Variants in DIAPH3 observed in about 807,000 individuals in gnomAD.
DIAPH3 encodes diaphanous related formin 3, also known as protein diaphanous homolog 3.
DIAPH3 carries 117 observed loss-of-function variants against 144.3 expected under a neutral mutation model. The observed-to-expected ratio is 0.81, with a 90% CI of 0.70 to 0.95. The LOEUF (loss-of-function observed/expected upper bound fraction) is 0.95, where lower values mean the gene tolerates loss of function less well. Ranked by LOEUF, DIAPH3 falls within the 40% of genes least tolerant of loss-of-function variation. DIAPH3 has a pLI of 0.00. For missense variants in DIAPH3, 1,421 were observed against 1,412.7 expected, an observed-to-expected ratio of 1.01 and a Z score of -0.09; for synonymous variants, 519 against 488.9, an observed-to-expected ratio of 1.06 and a Z score of -0.81.
Position 59,911,729 on chromosome 13 carries a change from A to G in DIAPH3, c.2367+6T>C. The G allele has an allele frequency of 6.2e-7, 1 of 1,609,816 alleles. No individual in the cohort carries two copies. The highest frequency in any genetic ancestry group is 1.1e-5 in the South Asian group (1 of 90,960). ...ATAAAAATCCTCTCTGAGACTCGGT[A>G]CTTACCACAACCACAAACTGCTCAG... is the stretch of plus-strand genomic sequence containing the variant. On this transcript the variant is annotated splice_donor_region_variant and intron_variant, in intron 20 of 27. Coordinates refer to ENST00000400324, the MANE Select transcript of DIAPH3 (RefSeq NM_001042517.2).
intron 24 of DIAPH3, among the ~76,000 whole-genome samples, chr13:59,820,734 C>G (rs746690707): frequency 2.7e-4 from 41 of 150,348 alleles, no homozygotes; most frequent in Non-Finnish European, 4.9e-4. Context: ...TTTAATAAAA[C>G]AAAATATAAA....
chr13:59,873,812 C>T (rs900686704), intron 21 of DIAPH3, among the ~76,000 whole-genome samples: 2 of 151,466 alleles, frequency 1.3e-5, no homozygotes, highest in Non-Finnish European at 2.9e-5. Context: ...GCTGGGATTA[C>T]AGGCGCCTGC....
chr13:60,019,659 A>G lies in DIAPH3; in HGVS notation c.627-3514T>C, dbSNP rs918885647. Among the ~76,000 whole-genome samples, 3 of 152,004 alleles carry G rather than the reference A, an allele frequency of 2.0e-5. 1 individual carries two copies. The highest frequency in any genetic ancestry group is 4.8e-5 in the African/African-American group (2 of 41,400). The stretch of plus-strand genomic sequence containing the variant: ...GGGAGAACAGGTTCCCAGAATTACA[A>G]TGTTTAACCCGCCTTTAAATGTTCA... On this transcript the variant is annotated intron_variant, in intron 5 of 27. Transcript: ENST00000400324.
intron 20 of DIAPH3, among the ~76,000 whole-genome samples, chr13:59,906,423 G>A (rs1403297034): frequency 6.6e-6 from 1 of 152,196 alleles, no homozygotes; most frequent in Non-Finnish European, 1.5e-5. Context: ...TGTGTGGAAT[G>A]AAAAGAGGTA....
chr13:60,033,645 T>C (rs1484513625), intron 5 of DIAPH3, among the ~76,000 whole-genome samples: 1 of 152,232 alleles, frequency 6.6e-6, no homozygotes, highest in African/African-American at 2.4e-5. Context: ...ACCAAGCTCA[T>C]TGGGATCTAC....
At chr13:59,956,924 T>A (rs1335397101) in intron 17 of DIAPH3, among the ~76,000 whole-genome samples, 2 of 152,128 alleles carry the variant, frequency 1.3e-5, no homozygotes, top group Non-Finnish European at 2.9e-5. Context: ...CCAGCTGGAT[T>A]TCAGATTTGC....
chr13:59,785,842 G>A (rs1225791449), intron 25 of DIAPH3, among the ~76,000 whole-genome samples: 1 of 152,164 alleles, frequency 6.6e-6, no homozygotes, highest in Non-Finnish European at 1.5e-5. Context: ...AGATGTATAT[G>A]TTGATAACCA....
chr13:59,926,014 C>G (rs2047733680), intron 17 of DIAPH3, among the ~76,000 whole-genome samples: 1 of 152,128 alleles, frequency 6.6e-6, no homozygotes, highest in South Asian at 2.1e-4. Context: ...GAGACAGGGT[C>G]TCACTCTGTC....
intron 1 of DIAPH3, among the ~76,000 whole-genome samples, chr13:60,151,961 T>G (rs1204624765): frequency 6.6e-6 from 1 of 152,220 alleles, no homozygotes. Flanking sequence ...TCAAAGGTTT[T>G]AATAAACAAA....
intron 4 of DIAPH3, among the ~76,000 whole-genome samples, chr13:60,047,877 TGTCTGAGATTTCAACTGTATAGA>T (rs1224160451): frequency 6.6e-6 from 1 of 152,186 alleles, no homozygotes; most frequent in Non-Finnish European, 1.5e-5. Context: ...AACTGTATAG[TGTCTGAGATTTCAACTGTATAGA>T]GTCTGAGATT....
intron 1 of DIAPH3, among the ~76,000 whole-genome samples, chr13:60,161,200 A>C (rs563371010): frequency 2.6e-4 from 40 of 152,330 alleles, no homozygotes; most frequent in African/African-American, 7.5e-4. Context: ...GGCTCAGATA[A>C]TGACTGGGTG....
At chr13:59,991,299 A>T in intron 11 of DIAPH3, 25 bp from the exon 12 acceptor site, 1 of 1,448,160 alleles carries the variant, frequency 6.9e-7, no homozygotes. Flanking sequence ...GAATATATGG[A>T]TTTATTTATA....
At chr13:59,839,530 A>G in intron 22 of DIAPH3, 82 bp from the exon 23 acceptor site, 3 of 1,316,002 alleles carry the variant, frequency 2.3e-6, no homozygotes, top group South Asian at 1.4e-5. Context: ...CAAAACATTC[A>G]TGAAAACAAC....
At chr13:59,888,876 A>ATT (rs138593800) in intron 20 of DIAPH3, among the ~76,000 whole-genome samples, 1 of 151,752 alleles carries the variant, frequency 6.6e-6, no homozygotes, top group South Asian at 2.1e-4. Context: ...TTTACAGGGT[A>ATT]TTTTTTTAAC....
intron 17 of DIAPH3, among the ~76,000 whole-genome samples, chr13:59,933,519 C>T (rs2048120235): frequency 1.3e-5 from 2 of 152,186 alleles, no homozygotes; most frequent in South Asian, 4.1e-4. Flanking sequence ...CTCTGAAAGA[C>T]TAGATTTTCT....
intron 18 of DIAPH3, 75 bp downstream of exon 18, chr13:59,924,700 C>T (rs908872597): frequency 1.4e-4 from 220 of 1,527,072 alleles, no homozygotes; most frequent in African/African-American, 3.9e-4. Flanking sequence ...AATGAATAAT[C>T]GGTCTTAAAG....
intron 24 of DIAPH3, among the ~76,000 whole-genome samples, chr13:59,813,858 CAA>C (rs34778897): frequency 3.6e-4 from 33 of 91,174 alleles, no homozygotes; most frequent in East Asian, 6.2e-4. Context: ...GACTTTGTCT[CAA>C]AAAAAAAAAA....
intron 27 of DIAPH3, among the ~76,000 whole-genome samples, chr13:59,669,733 T>A (rs1163881978): frequency 6.6e-6 from 1 of 152,104 alleles, no homozygotes; most frequent in East Asian, 1.9e-4. Flanking sequence ...GTGGGGGGAA[T>A]CTCTGTTTGT....
intron 22 of DIAPH3, among the ~76,000 whole-genome samples, chr13:59,850,946 T>TG (rs2042932397): frequency 6.8e-6 from 1 of 146,628 alleles, no homozygotes; most frequent in Non-Finnish European, 1.5e-5. Flanking sequence ...CTACCAGAGG[T>TG]ACAAGGAGGA....
Sources: allele counts gnomAD v4.1 joint callset (sites outside exome capture counted in the v4.1 genomes callset), GRCh38; gene constraint gnomAD v4.1.1; transcripts MANE v1.5; gene names NCBI Gene and HGNC (gene_info 2026-07-23, HGNC 2026-07-21).